PRIM2: variants seen among roughly 807,000 people sequenced by gnomAD.
PRIM2 encodes DNA primase subunit 2.
PRIM2 carries 39 observed loss-of-function variants against 67.3 expected under a neutral mutation model. That is an observed-to-expected ratio of 0.58 (90% CI 0.45 to 0.76). The LOEUF is 0.76. PRIM2 is among the 30% of genes least tolerant of loss of function. The pLI, the probability that PRIM2 is intolerant of heterozygous loss-of-function variation, is 0.00. For missense variants in PRIM2, 398 were observed against 598.7 expected, an observed-to-expected ratio of 0.66 and a Z score of 3.50; for synonymous variants, 143 against 198.7, an observed-to-expected ratio of 0.72 and a Z score of 2.36.
At chr6:57,390,389 C>CT (rs1176523314) in intron 7 of PRIM2, among the ~76,000 whole-genome samples, 6 of 151,118 alleles carry the variant, frequency 4.0e-5, no homozygotes, top group Admixed American at 6.6e-5. Context: ...ACACATATTT[C>CT]TTTTTTTTTA....
intron 8 of PRIM2, among the ~76,000 whole-genome samples, chr6:57,524,550 A>C (rs1774701941): frequency 1.3e-5 from 2 of 152,090 alleles, no homozygotes. Flanking sequence ...AAAAATACAA[A>C]ATTAGCCAGG....
At chr6:57,370,209 A>G (rs1769497038) in intron 5 of PRIM2, among the ~76,000 whole-genome samples, 1 of 152,140 alleles carries the variant, frequency 6.6e-6, no homozygotes, top group African/African-American at 2.4e-5. Context: ...AAGCCATTTA[A>G]TCTTGTCTTG....
At chr6:57,280,612 C>T in the PRIM2 span, among the ~76,000 whole-genome samples, 1,828 of 152,140 alleles carry the variant, frequency 0.012, 20 homozygotes, top group Middle Eastern at 0.027. Flanking sequence ...CAGGTTCAAG[C>T]GATTCTCCGG....
At chr6:57,281,305 T>C in the PRIM2 span, among the ~76,000 whole-genome samples, 1 of 152,200 alleles carries the variant, frequency 6.6e-6, no homozygotes, top group Non-Finnish European at 1.5e-5. Context: ...CTTTCTTTTG[T>C]ATATATACCC....
At chr6:57,228,113 ATATCT>A in the PRIM2 span, among the ~76,000 whole-genome samples, 4 of 152,164 alleles carry the variant, frequency 2.6e-5, no homozygotes, top group African/African-American at 9.7e-5. Context: ...TTATTTCTTG[ATATCT>A]TATAGAAGAT....
intron 10 of PRIM2, among the ~76,000 whole-genome samples, chr6:57,576,874 T>C (rs1283583440): frequency 1.3e-5 from 2 of 151,410 alleles, no homozygotes; most frequent in African/African-American, 4.9e-5. Flanking sequence ...ATAAAACATC[T>C]ATGCCTATTG....
chr6:57,524,278 A>G lies in PRIM2; in HGVS notation c.762-8133A>G, dbSNP rs1454268477. 1.1e-4 allele frequency among the ~76,000 whole-genome samples: 17 copies of G among 152,358 alleles called. No homozygotes were observed. In the South Asian group the frequency reaches 2.5e-3, roughly 22 times the overall value. On this transcript the variant is annotated intron_variant, in intron 8 of 13. Coordinates refer to ENST00000615550, the MANE Select transcript of PRIM2 (RefSeq NM_000947.5). ...TTTCTGTTTGCTGTGATTTTAAGCT[A>G]TATTGGAAAACTAGCCATGCTGGCC...
chr6:57,340,624 C>T (rs1198431784), intron 5 of PRIM2, among the ~76,000 whole-genome samples: 1 of 152,094 alleles, frequency 6.6e-6, no homozygotes, highest in East Asian at 1.9e-4. Flanking sequence ...CCAAACACCA[C>T]ATATTCTCAC....
chr6:57,545,393 G>A (rs1312698270), intron 10 of PRIM2, among the ~76,000 whole-genome samples: 1 of 152,088 alleles, frequency 6.6e-6, no homozygotes, highest in Admixed American at 6.5e-5. Flanking sequence ...AAAAGAAACA[G>A]CCCTTATTTA....
intron 7 of PRIM2, among the ~76,000 whole-genome samples, chr6:57,454,029 C>T (rs1772660159): frequency 1.3e-5 from 2 of 152,270 alleles, no homozygotes; most frequent in African/African-American, 4.8e-5. Context: ...GCCTTTTCTG[C>T]ATCTATTGAA....
Position 57,379,916 on chromosome 6 carries a change from A to C in PRIM2, c.475A>C (p.Lys159Gln). Residue 159 changes from lysine to glutamine, a missense_variant, in exon 6 of 14, where the codon AAG becomes CAG. Physicochemically the swap from Lys to Gln is moderately conservative, Grantham distance 53. This residue lies in a region of PRIM2 where 229 missense variants were observed against 383.6 expected (regional missense o/e 0.60). Coordinates refer to ENST00000615550, the MANE Select transcript of PRIM2 (RefSeq NM_000947.5). The part of the protein sequence containing the change: ...LQFEAISDEE[K>Q]TLREQEIVAS... ...GTTTTTTTAGATAAGTGATGAAGAG[A>C]AGACTCTTCGAGAACAGGAGATTGT... 6.4e-7 allele frequency: 1 copy of C among 1,552,546 alleles called. No individual in the cohort carries two copies. The highest frequency in any genetic ancestry group is 8.7e-7 in the Non-Finnish European group (1 of 1,147,394).
chr6:57,314,980 C>G (rs1463884900), upstream of PRIM2: 1 of 152,200 alleles, frequency 6.6e-6, no homozygotes, highest in South Asian at 2.1e-4. Context: ...CTGACCAACA[C>G]AGGGTATTTT....
chr6:57,439,858 A>G (rs1375172177), intron 7 of PRIM2, among the ~76,000 whole-genome samples: 1 of 152,244 alleles, frequency 6.6e-6, no homozygotes, highest in African/African-American at 2.4e-5. Context: ...AAGCATTTTA[A>G]TAAGGCTAAT....
rs1250721994 is a variant in PRIM2 at position 57,498,002 on chromosome 6, G to A, written c.694-9385G>A. Among the ~76,000 whole-genome samples, 4 of 152,136 alleles carry A rather than the reference G, an allele frequency of 2.6e-5. No homozygotes were observed. The East Asian group carries it at 7.7e-4, about 29-fold the overall frequency. The stretch of plus-strand genomic sequence containing the variant: ...AGAAAATGTAGTTCAAAAGACACAG[G>A]ATTTTCTGTTGTTAAAATCAATGAA... On this transcript the variant is annotated intron_variant, in intron 7 of 13. Coordinates refer to ENST00000615550, the MANE Select transcript of PRIM2 (RefSeq NM_000947.5).
In PRIM2 at chr6:57,421,132, G is replaced by A. The variant is rs181942330; in HGVS notation, c.693+38964G>A. Among the ~76,000 whole-genome samples the A allele has an allele frequency of 5.9e-5, 9 of 152,312 alleles. No individual in the cohort carries two copies. In the East Asian group the frequency reaches 1.7e-3, roughly 29 times the overall value. ...TGGTAGACCAAGGAGCAGATAGTCA[G>A]GAGTATGAAGACTGAGAAGAGGCCA... is the stretch of plus-strand genomic sequence containing the variant. On this transcript the variant is annotated intron_variant, in intron 7 of 13. Coordinates refer to ENST00000615550, the MANE Select transcript of PRIM2 (RefSeq NM_000947.5).
At chr6:57,247,959 A>G in the PRIM2 span, among the ~76,000 whole-genome samples, 1 of 152,254 alleles carries the variant, frequency 6.6e-6, no homozygotes, top group Non-Finnish European at 1.5e-5. Context: ...ATTAGTTAAT[A>G]TAGCATATAA....
chr6:57,335,267 C>A (rs1581800487), intron 5 of PRIM2, among the ~76,000 whole-genome samples: 1 of 152,074 alleles, frequency 6.6e-6, no homozygotes, highest in Non-Finnish European at 1.5e-5. Context: ...AACTGCAAGG[C>A]AGCAGCGAGG....
At chr6:57,225,160 C>G in the PRIM2 span, among the ~76,000 whole-genome samples, 1 of 152,180 alleles carries the variant, frequency 6.6e-6, no homozygotes, top group Non-Finnish European at 1.5e-5. Flanking sequence ...GCTCTTAGGC[C>G]TAACTGCTTT....
intron 7 of PRIM2, among the ~76,000 whole-genome samples, chr6:57,407,131 C>T (rs1359608920): frequency 6.6e-6 from 1 of 151,972 alleles, no homozygotes; most frequent in African/African-American, 2.4e-5. Context: ...ACAGTTATAA[C>T]ATTGACTATT....
Sources: allele counts gnomAD v4.1 joint callset (sites outside exome capture counted in the v4.1 genomes callset), GRCh38; gene constraint gnomAD v4.1.1; regional missense constraint gnomAD v4.1.1; transcripts MANE v1.5; gene names NCBI Gene and HGNC (gene_info 2026-07-23, HGNC 2026-07-21).